Variants in CDH13 observed in about 807,000 individuals in gnomAD.
The protein encoded by CDH13 is cadherin 13.
CDH13 carries 24 observed loss-of-function variants against 63.8 expected under a neutral mutation model. The observed-to-expected ratio is 0.38, with a 90% CI of 0.27 to 0.53. The LOEUF (loss-of-function observed/expected upper bound fraction) is 0.53, where lower values mean the gene tolerates loss of function less well. Among genes scored for constraint, CDH13 ranks in the 20% least tolerant of loss-of-function variants. The probability of loss-of-function intolerance (pLI) is 0.85; values close to 1 mark genes in which losing one functional copy is unlikely to be tolerated. For missense variants in CDH13, 1,049 were observed against 903.1 expected (o/e 1.16, Z -2.07); for synonymous variants, 503 against 355.3 (o/e 1.42, Z -4.67).
At chr16:82,989,270 G>A (rs1360820660) in intron 2 of CDH13, among the ~76,000 whole-genome samples, 1 of 152,188 alleles carries the variant, frequency 6.6e-6, no homozygotes, top group African/African-American at 2.4e-5. Context: ...TCACTCACAA[G>A]TACAAGTCTG....
chr16:83,178,975 T>C (rs1318198651), intron 4 of CDH13, among the ~76,000 whole-genome samples: 2 of 152,184 alleles, frequency 1.3e-5, no homozygotes, highest in East Asian at 3.9e-4. Context: ...GCAAAAAATA[T>C]ACACCTTGGT....
At chr16:82,782,041 G>C (rs1013341865) in intron 1 of CDH13, among the ~76,000 whole-genome samples, 1 of 152,204 alleles carries the variant, frequency 6.6e-6, no homozygotes, top group African/African-American at 2.4e-5. Flanking sequence ...ACAACAGCAG[G>C]AAATTAAGTA....
intron 5 of CDH13, among the ~76,000 whole-genome samples, chr16:83,282,969 A>G (rs963136599): frequency 8.5e-5 from 13 of 152,348 alleles, no homozygotes; most frequent in African/African-American, 2.2e-4. Context: ...GTTTTAGGCC[A>G]TGGTAAACTC....
chr16:83,620,468 A>G (rs539063715), intron 8 of CDH13, among the ~76,000 whole-genome samples: 1 of 151,002 alleles, frequency 6.6e-6, no homozygotes, highest in East Asian at 2.0e-4. Flanking sequence ...GAATACTGTT[A>G]GTCCACAAGA....
intron 5 of CDH13, among the ~76,000 whole-genome samples, chr16:83,316,089 A>T (rs1016501498): frequency 6.6e-6 from 1 of 152,150 alleles, no homozygotes; most frequent in African/African-American, 2.4e-5. Context: ...TGGTGGCAGG[A>T]GAGAGAAGTG....
intron 2 of CDH13, among the ~76,000 whole-genome samples, chr16:83,003,292 T>C (rs981196883): frequency 2.0e-5 from 3 of 152,282 alleles, no homozygotes; most frequent in Admixed American, 2.0e-4. Flanking sequence ...GGGCTGTGGA[T>C]TGCCATCTCT....
intron 1 of CDH13, among the ~76,000 whole-genome samples, chr16:82,788,769 G>A (rs559851762): frequency 7.1e-4 from 108 of 152,282 alleles, no homozygotes; most frequent in Non-Finnish European, 1.2e-3. Context: ...ACAAAGAGCC[G>A]GACAGATCCT....
At chr16:83,316,877 G>A (rs1279629194) in intron 5 of CDH13, among the ~76,000 whole-genome samples, 1 of 152,054 alleles carries the variant, frequency 6.6e-6, no homozygotes, top group Admixed American at 6.6e-5. Flanking sequence ...CTTCATCTGG[G>A]CTGGGCTGGG....
chr16:83,768,403 C>G (rs576358235), intron 11 of CDH13, among the ~76,000 whole-genome samples: 1 of 152,184 alleles, frequency 6.6e-6, no homozygotes, highest in African/African-American at 2.4e-5. Flanking sequence ...GGTTTGTTAA[C>G]CAATGCACAC....
chr16:82,720,929 T>A (rs1201375111), intron 1 of CDH13, among the ~76,000 whole-genome samples: 1 of 152,126 alleles, frequency 6.6e-6, no homozygotes, highest in African/African-American at 2.4e-5. Context: ...ACTGAATAAA[T>A]GAGTGAGTGA....
intron 7 of CDH13, among the ~76,000 whole-genome samples, chr16:83,522,227 G>C (rs1281291596): frequency 6.6e-6 from 1 of 152,188 alleles, no homozygotes; most frequent in Non-Finnish European, 1.5e-5. Flanking sequence ...GAATCTTTAT[G>C]GAAAGGCCAT....
chr16:83,606,908 G>C (rs1006215818), intron 8 of CDH13, among the ~76,000 whole-genome samples: 1 of 152,028 alleles, frequency 6.6e-6, no homozygotes, highest in Non-Finnish European at 1.5e-5. Context: ...AGCAGGGAAT[G>C]AGAAGAACAA....
intron 4 of CDH13, chr16:83,180,749 T>C (rs1479432403): frequency 2.9e-6 from 2 of 694,158 alleles, no homozygotes; most frequent in East Asian, 2.7e-5. Context: ...ACGGTCACTC[T>C]AGGTAATGTT....
At chr16:83,201,352 C>T (rs540304510) in intron 4 of CDH13, among the ~76,000 whole-genome samples, 11 of 151,560 alleles carry the variant, frequency 7.3e-5, no homozygotes, top group Non-Finnish European at 1.2e-4. Flanking sequence ...ACTGAGGGTT[C>T]GGTGAAGAAA....
chr16:82,778,075 A>T (rs1353079307), intron 1 of CDH13, among the ~76,000 whole-genome samples: 2 of 152,284 alleles, frequency 1.3e-5, no homozygotes, highest in East Asian at 1.9e-4. Flanking sequence ...AGTGGAGGGG[A>T]TTACACAAGG....
At chr16:82,627,269 G>A (rs576912184) in intron 1 of CDH13, 132 bp downstream of exon 1, 157 of 746,990 alleles carry the variant, frequency 2.1e-4, no homozygotes, top group South Asian at 7.9e-4. Context: ...ATCGGGGCTC[G>A]GTAGGGAGGT....
intron 4 of CDH13, among the ~76,000 whole-genome samples, chr16:83,204,941 C>G (rs1306222578): frequency 6.6e-6 from 1 of 152,234 alleles, no homozygotes; most frequent in Non-Finnish European, 1.5e-5. Context: ...TGACACATAT[C>G]ACTTTCACTT....
chr16:82,639,387 G>T (rs1299724023), intron 1 of CDH13: 11 of 1,535,470 alleles, frequency 7.2e-6, no homozygotes, highest in Non-Finnish European at 9.6e-6. Context: ...GCACTGCATG[G>T]TTCCCCCAGC....
chr16:82,630,677 T>C (rs578035189), intron 1 of CDH13, among the ~76,000 whole-genome samples: 19 of 152,382 alleles, frequency 1.2e-4, no homozygotes, highest in Middle Eastern at 6.8e-3. Flanking sequence ...AGCTAGGTTC[T>C]TGAAAACATC....
Sources: allele counts gnomAD v4.1 joint callset (sites outside exome capture counted in the v4.1 genomes callset), GRCh38; gene constraint gnomAD v4.1.1; transcripts MANE v1.5; gene names NCBI Gene and HGNC (gene_info 2026-07-23, HGNC 2026-07-21).